The following KCND3 variants were observed in gnomAD, a reference collection of about 807,000 sequenced individuals.
The protein encoded by KCND3 is potassium voltage-gated channel subfamily D member 3.
KCND3 carries 9 observed loss-of-function variants against 51.1 expected under a neutral mutation model. The ratio of observed to expected loss-of-function variants is 0.18; its 90% CI spans 0.11 to 0.31. The LOEUF is 0.31. Ranked by LOEUF, KCND3 falls within the 10% of genes least tolerant of loss-of-function variation. The pLI, the probability that KCND3 is intolerant of heterozygous loss-of-function variation, is 1.00. For synonymous variants in KCND3, 349 were observed against 368.0 expected (o/e 0.95, Z 0.59); for missense variants, 526 against 903.8 (o/e 0.58, Z 5.36).
chr1:111,828,900 C>A lies in KCND3; in HGVS notation c.1107-41794G>T, dbSNP rs534872524. Among the ~76,000 whole-genome samples, 3 of 152,290 alleles carry A rather than the reference C, an allele frequency of 2.0e-5. No homozygotes were observed. In the East Asian group the frequency reaches 5.8e-4, roughly 29 times the overall value. ...ATACCCCAGACTGGATTCCCATTGA[C>A]CTAGATGCTGGGTAGACTAGCTGGG... On this transcript the variant is annotated intron_variant, in intron 2 of 7. Coordinates refer to ENST00000302127, the MANE Select transcript of KCND3 (RefSeq NM_001378969.1).
At chr1:111,960,000 CA>C (rs1417846182) in intron 2 of KCND3, among the ~76,000 whole-genome samples, 9 of 151,726 alleles carry the variant, frequency 5.9e-5, no homozygotes, top group Admixed American at 1.3e-4. Flanking sequence ...CCCCTTTGCT[CA>C]GCACTCACTC....
intron 2 of KCND3, among the ~76,000 whole-genome samples, chr1:111,893,541 T>C (rs1669951156): frequency 6.6e-6 from 1 of 152,184 alleles, no homozygotes; most frequent in African/African-American, 2.4e-5. Flanking sequence ...TTTAAGGAAT[T>C]CACATGTAAA....
intron 2 of KCND3, among the ~76,000 whole-genome samples, chr1:111,816,883 C>T (rs900346839): frequency 4.6e-5 from 7 of 152,222 alleles, no homozygotes; most frequent in African/African-American, 1.7e-4. Flanking sequence ...CACCTACTGA[C>T]ACACACTTGG....
chr1:111,923,085 A>G (rs533176655), intron 2 of KCND3, among the ~76,000 whole-genome samples: 16 of 152,244 alleles, frequency 1.1e-4, no homozygotes, highest in African/African-American at 3.4e-4. Flanking sequence ...CTGACCTCTC[A>G]ATCTCAGTTT....
At chr1:111,844,152 T>C (rs1426701551) in intron 2 of KCND3, among the ~76,000 whole-genome samples, 1 of 152,056 alleles carries the variant, frequency 6.6e-6, no homozygotes, top group Non-Finnish European at 1.5e-5. Context: ...ACTCAACATT[T>C]TAAAACGACC....
intron 2 of KCND3, among the ~76,000 whole-genome samples, chr1:111,841,217 C>G (rs1667306829): frequency 6.6e-6 from 1 of 152,182 alleles, no homozygotes. Flanking sequence ...TGTGGCATAC[C>G]CTTCTTCCAA....
intron 2 of KCND3, among the ~76,000 whole-genome samples, chr1:111,836,548 T>C (rs1274264571): frequency 6.6e-6 from 1 of 152,194 alleles, no homozygotes; most frequent in Non-Finnish European, 1.5e-5. Context: ...TAGGTTTGTT[T>C]CCTGTGAGGG....
intron 2 of KCND3, among the ~76,000 whole-genome samples, chr1:111,967,020 A>G (rs1674028784): frequency 6.6e-6 from 1 of 151,960 alleles, no homozygotes; most frequent in South Asian, 2.1e-4. Context: ...CATGCCTGTA[A>G]TCCCAGCTAC....
At chr1:111,888,213 G>A (rs1669656605) in intron 2 of KCND3, among the ~76,000 whole-genome samples, 1 of 152,268 alleles carries the variant, frequency 6.6e-6, no homozygotes, top group Admixed American at 6.5e-5. Flanking sequence ...CCCTCCAAGG[G>A]CCAGAGGCCA....
Position 111,846,418 on chromosome 1 carries a change from TCTGCTGCTG to T in KCND3, c.1107-59321_1107-59313del, listed in dbSNP as rs55653915. ...TTTCCTCTGTACACCCATGACACTC[TCTGCTGCTG>T]CTGCTGCTGCTGCTGCTGCTGCTGC... On this transcript the variant is annotated intron_variant, in intron 2 of 7. Transcript: ENST00000302127. 3.4e-3 allele frequency among the ~76,000 whole-genome samples: 506 copies of T among 150,828 alleles called. 2 individuals are homozygous for T. Among genetic ancestry groups the T allele is most frequent in the African/African-American group, 0.011 (467 of 41,002 alleles).
rs967961878 is a variant in KCND3 at position 111,946,709 on chromosome 1, G to A, written c.1106+34912C>T. On this transcript the variant is annotated intron_variant, in intron 2 of 7. Transcript: ENST00000302127. ...ATACTGAAAAGTGAGAAGTCTGAAG[G>A]TTGTGTTCCTCTTCAGGTTTGCAGG... 2.0e-5 allele frequency among the ~76,000 whole-genome samples: 3 copies of A among 152,198 alleles called. No homozygotes were observed. The South Asian group carries it at 6.2e-4, about 32-fold the overall frequency.
intron 2 of KCND3, among the ~76,000 whole-genome samples, chr1:111,837,947 G>A (rs1038834207): frequency 1.3e-5 from 2 of 152,054 alleles, no homozygotes; most frequent in Non-Finnish European, 2.9e-5. Context: ...GGGTGTTTTG[G>A]GGGGAGACCA....
At position 111,873,321 on chromosome 1, in the gene KCND3, C is replaced by T. The variant is rs754400211; in HGVS notation, c.1107-86215G>A. 3.9e-5 allele frequency among the ~76,000 whole-genome samples: 6 copies of T among 152,304 alleles called. No individual in the cohort carries two copies. In the South Asian group the frequency reaches 6.2e-4, roughly 16 times the overall value. ...GAGACAGAAATCTAGCCAGGACAAACGTGGCACCAGCCCTCCTTAGGACTG... is the reference window on the plus strand; with the variant it reads ...GAGACAGAAATCTAGCCAGGACAAATGTGGCACCAGCCCTCCTTAGGACTG... On this transcript the variant is annotated intron_variant, in intron 2 of 7. Transcript: ENST00000302127.
chr1:111,976,407 T>C (rs547586211), intron 2 of KCND3, among the ~76,000 whole-genome samples: 77 of 152,250 alleles, frequency 5.1e-4, no homozygotes, highest in Non-Finnish European at 1.0e-3. Flanking sequence ...CTGCCATGAC[T>C]ATATAGCTAA....
At chr1:111,921,266 T>C (rs1387186062) in intron 2 of KCND3, among the ~76,000 whole-genome samples, 1 of 152,224 alleles carries the variant, frequency 6.6e-6, no homozygotes, top group Non-Finnish European at 1.5e-5. Flanking sequence ...GAAAAATGTG[T>C]AGCTGGAATT....
At chr1:111,862,579 C>A (rs910065347) in intron 2 of KCND3, among the ~76,000 whole-genome samples, 1 of 152,198 alleles carries the variant, frequency 6.6e-6, no homozygotes, top group Admixed American at 6.5e-5. Context: ...TCTCACAATA[C>A]CCTTTAATCA....
intron 2 of KCND3, among the ~76,000 whole-genome samples, chr1:111,908,078 C>A (rs1319801915): frequency 6.6e-6 from 1 of 152,202 alleles, no homozygotes; most frequent in African/African-American, 2.4e-5. Flanking sequence ...GCTTTACTTG[C>A]GTTGTTCCTC....
intron 2 of KCND3, among the ~76,000 whole-genome samples, chr1:111,932,198 C>T (rs78478538): frequency 0.02 from 3,046 of 152,296 alleles, 40 homozygotes; most frequent in Middle Eastern, 0.034. Context: ...TTAAGGTCAG[C>T]TGACTAGCAA....
Position 111,982,307 on chromosome 1 carries a change from C to A in KCND3, c.420G>T (p.Lys140Asn). Residue 140 changes from lysine to asparagine, a missense_variant, in exon 2 of 8, where the codon AAG (lysine) becomes AAT (asparagine). By Grantham distance (94) the Lys-to-Asn change is moderately conservative (BLOSUM62 0). Around this residue, in one of 5 missense-constraint regions of KCND3, gnomAD observed 159 missense variants for 262.8 expected, o/e 0.61. Coordinates refer to ENST00000302127, the MANE Select transcript of KCND3 (RefSeq NM_001378969.1). The surrounding 1 kb of genome is among the most constrained non-coding windows in gnomAD (Gnocchi z 8.5). ...DCCYEEYKDR[K>N]RENAERLMDD... ...CCATGAGCCGCTCGGCGTTCTCCCTCTTGCGGTCCTTGTACTCCTCGTAGC... is the reference window on the plus strand; with the variant it reads ...CCATGAGCCGCTCGGCGTTCTCCCTATTGCGGTCCTTGTACTCCTCGTAGC... 1.2e-6 allele frequency: 2 copies of A among 1,614,160 alleles called. No homozygotes were observed. Among genetic ancestry groups the A allele is most frequent in the Non-Finnish European group, 1.7e-6 (2 of 1,180,028 alleles).
Sources: gnomAD v4.1 joint callset for allele counts (sites outside exome capture counted in the v4.1 genomes callset) on GRCh38, gnomAD v4.1.1 for gene constraint, gnomAD v4.1.1 regional missense constraint, Gnocchi (gnomAD v3.1) non-coding constraint, MANE v1.5 for transcripts, NCBI Gene and HGNC (gene_info 2026-07-23, HGNC 2026-07-21) for gene names.